The following SFXN5 variants were observed in gnomAD, a reference collection of about 807,000 sequenced individuals.
The protein encoded by SFXN5 is sideroflexin 5, also known as sideroflexin-5.
A neutral mutation model predicts 50.2 loss-of-function variants in SFXN5; 43 were observed. The observed-to-expected ratio is 0.86, with a 90% CI of 0.67 to 1.11. The LOEUF (loss-of-function observed/expected upper bound fraction) is 1.11. Ranked by LOEUF, SFXN5 falls within the 50% of genes least tolerant of loss-of-function variation. The pLI, the probability that SFXN5 is intolerant of heterozygous loss-of-function variation, is 0.00. For missense variants in SFXN5, 463 were observed against 454.1 expected (o/e 1.02, Z -0.18); for synonymous variants, 203 against 185.8 (o/e 1.09, Z -0.75).
intron 10 of SFXN5, among the ~76,000 whole-genome samples, chr2:72,980,011 A>G (rs1281790080): frequency 6.6e-6 from 1 of 152,180 alleles, no homozygotes; most frequent in Non-Finnish European, 1.5e-5. Flanking sequence ...GCACTCTAGT[A>G]GCAAGCATGA....
At chr2:72,958,088 T>C (rs370617339) in intron 13 of SFXN5, among the ~76,000 whole-genome samples, 19 of 152,286 alleles carry the variant, frequency 1.2e-4, no homozygotes, top group African/African-American at 2.4e-4. Context: ...CTTTCCATCA[T>C]TGCTTTGCAG....
chr2:73,003,585 G>A (rs1192502039), intron 6 of SFXN5, among the ~76,000 whole-genome samples: 2 of 152,180 alleles, frequency 1.3e-5, no homozygotes, highest in Non-Finnish European at 2.9e-5. Flanking sequence ...AGAAGCTCAG[G>A]CCAGCTCTCC....
At chr2:73,009,944 C>T (rs1440842095) in intron 6 of SFXN5, among the ~76,000 whole-genome samples, 1 of 152,214 alleles carries the variant, frequency 6.6e-6, no homozygotes, top group Non-Finnish European at 1.5e-5. Flanking sequence ...GTTCTTCCCA[C>T]TTGATGGCAG....
intron 6 of SFXN5, among the ~76,000 whole-genome samples, chr2:73,009,210 A>C (rs1218835440): frequency 3.3e-5 from 5 of 152,178 alleles, no homozygotes; most frequent in Non-Finnish European, 7.3e-5. Context: ...GGGCTTTCCT[A>C]AGGTGTGGAC....
intron 10 of SFXN5, 67 bp downstream of exon 10, chr2:72,988,191 T>C (rs1672136202): frequency 1.4e-6 from 2 of 1,454,706 alleles, no homozygotes; most frequent in Non-Finnish European, 1.9e-6. Context: ...GTCATCTGTC[T>C]CCCTGGGAGC....
intron 3 of SFXN5, among the ~76,000 whole-genome samples, chr2:73,029,637 C>T (rs1452699728): frequency 1.3e-5 from 2 of 152,158 alleles, no homozygotes; most frequent in African/African-American, 4.8e-5. Context: ...GGCACTGGAG[C>T]ATGTCAGTGT....
chr2:73,065,966 GAA>G (rs778797225), intron 1 of SFXN5, among the ~76,000 whole-genome samples: 2 of 152,220 alleles, frequency 1.3e-5, no homozygotes, highest in Admixed American at 6.5e-5. Context: ...GGGCCGGAAG[GAA>G]AAACAGTGAG....
chr2:72,954,008 G>A (rs1672811350), intron 13 of SFXN5, among the ~76,000 whole-genome samples: 1 of 152,140 alleles, frequency 6.6e-6, no homozygotes, highest in Non-Finnish European at 1.5e-5. Flanking sequence ...AACCCTGAAA[G>A]CTGTAAGTGG....
chr2:73,013,004 A>G (rs2105781155), intron 6 of SFXN5, among the ~76,000 whole-genome samples: 1 of 152,176 alleles, frequency 6.6e-6, no homozygotes, highest in South Asian at 2.1e-4. Context: ...AACTAAAGAA[A>G]CTAAAGGACT....
intron 6 of SFXN5, among the ~76,000 whole-genome samples, chr2:73,005,015 G>C (rs1256403830): frequency 6.6e-6 from 1 of 152,196 alleles, no homozygotes; most frequent in Non-Finnish European, 1.5e-5. Flanking sequence ...GATAGAGAGA[G>C]GGAGCCAGTC....
At chr2:72,988,777 C>T (rs942298047) in intron 9 of SFXN5, among the ~76,000 whole-genome samples, 2 of 152,170 alleles carry the variant, frequency 1.3e-5, no homozygotes, top group African/African-American at 2.4e-5. Flanking sequence ...TTTCTGAAAC[C>T]CCATGGTACA....
intron 4 of SFXN5, 45 bp from the exon 5 acceptor site, chr2:73,022,621 G>A (rs1207355491): frequency 4.9e-6 from 4 of 817,552 alleles, no homozygotes; most frequent in East Asian, 2.7e-5. Context: ...CGGGGGTGTA[G>A]GGAGGGGGAA....
intron 1 of SFXN5, chr2:73,071,238 G>C (rs1309126016): frequency 4.2e-6 from 1 of 238,636 alleles, no homozygotes; most frequent in Non-Finnish European, 8.2e-6. Flanking sequence ...AGAACTTTGC[G>C]TCCCGGGCGG....
At chr2:72,970,780 C>A (rs907211679) in intron 11 of SFXN5, among the ~76,000 whole-genome samples, 5 of 151,986 alleles carry the variant, frequency 3.3e-5, no homozygotes, top group Non-Finnish European at 7.4e-5. Flanking sequence ...TTCTACCCCC[C>A]GGGTTCAAGC....
chr2:73,044,444 G>A (rs1035387271), intron 2 of SFXN5: 1 of 152,382 alleles, frequency 6.6e-6, no homozygotes, highest in African/African-American at 2.4e-5. Flanking sequence ...GGGCCCTGAG[G>A]CCTGGCTGTT....
chr2:72,959,378 G>T lies in SFXN5; in HGVS notation c.945+1753C>A, dbSNP rs1673455663. Among the ~76,000 whole-genome samples the T allele has an allele frequency of 7.9e-5, 12 of 151,938 alleles. No homozygotes were observed. In the South Asian group the frequency reaches 2.5e-3, roughly 32 times the overall value. On this transcript the variant is annotated intron_variant, in intron 13 of 13. Transcript: ENST00000272433. ...GAAGAAAGGATCTGTGGCCCTCCCT[G>T]TACTGGCCCATAGCACCTCCTGGTG...
chr2:73,061,493 A>G (rs1003243849), intron 1 of SFXN5, among the ~76,000 whole-genome samples: 1 of 152,230 alleles, frequency 6.6e-6, no homozygotes, highest in African/African-American at 2.4e-5. Flanking sequence ...TATATTTGCT[A>G]TCTTTTCAGA....
At chr2:73,007,603 G>A (rs1674875031) in intron 6 of SFXN5, among the ~76,000 whole-genome samples, 1 of 152,096 alleles carries the variant, frequency 6.6e-6, no homozygotes, top group Non-Finnish European at 1.5e-5. Context: ...AAGCTTCAGA[G>A]AAATGAGGCC....
intron 1 of SFXN5, among the ~76,000 whole-genome samples, chr2:73,063,743 A>C (rs1210942795): frequency 6.6e-6 from 1 of 152,158 alleles, no homozygotes; most frequent in African/African-American, 2.4e-5. Flanking sequence ...TTACTGGAAG[A>C]AGGTTGTTCG....
Sources: allele counts gnomAD v4.1 joint callset (sites outside exome capture counted in the v4.1 genomes callset), GRCh38; gene constraint gnomAD v4.1.1; transcripts MANE v1.5; gene names NCBI Gene and HGNC (gene_info 2026-07-23, HGNC 2026-07-21).